Variants in BRINP3 observed in about 807,000 individuals in gnomAD.
BRINP3 encodes BMP/retinoic acid-inducible neural-specific protein 3.
A neutral mutation model predicts 71.0 loss-of-function variants in BRINP3; 19 were observed. The ratio of observed to expected loss-of-function variants is 0.27; its 90% CI spans 0.19 to 0.39. The LOEUF (loss-of-function observed/expected upper bound fraction) is 0.39, where lower values mean the gene tolerates loss of function less well. Ranked by LOEUF, BRINP3 falls within the 10% of genes least tolerant of loss-of-function variation. The pLI, the probability that BRINP3 is intolerant of heterozygous loss-of-function variation, is 1.00. For synonymous variants in BRINP3, 380 were observed against 337.7 expected, an observed-to-expected ratio of 1.13 and a Z score of -1.37; for missense variants, 959 against 940.8, an observed-to-expected ratio of 1.02 and a Z score of -0.25.
intron 2 of BRINP3, among the ~76,000 whole-genome samples, chr1:190,377,845 A>G (rs1670281207): frequency 6.6e-6 from 1 of 152,030 alleles, no homozygotes; most frequent in African/African-American, 2.4e-5. Context: ...TGAAAAGTAC[A>G]AAATATTGCC....
intron 7 of BRINP3, among the ~76,000 whole-genome samples, chr1:190,106,773 C>T (rs1234295117): frequency 1.3e-5 from 2 of 151,700 alleles, no homozygotes; most frequent in African/African-American, 4.8e-5. Flanking sequence ...AAAACCTGGA[C>T]TTATTTTCAT....
At chr1:190,466,918 G>A (rs1413445920) in intron 1 of BRINP3, among the ~76,000 whole-genome samples, 2 of 151,422 alleles carry the variant, frequency 1.3e-5, no homozygotes, top group African/African-American at 2.4e-5. Flanking sequence ...TATTGGAAAT[G>A]TTTCCATTAA....
chr1:190,201,286 A>T (rs1654982828), intron 6 of BRINP3, among the ~76,000 whole-genome samples: 1 of 152,120 alleles, frequency 6.6e-6, no homozygotes, highest in Non-Finnish European at 1.5e-5. Flanking sequence ...AGATTTTGAA[A>T]CTTTGAGCTC....
At chr1:190,117,950 GT>G (rs1653290160) in intron 7 of BRINP3, among the ~76,000 whole-genome samples, 1 of 151,984 alleles carries the variant, frequency 6.6e-6, no homozygotes, top group East Asian at 1.9e-4. Flanking sequence ...TGTATTCCAT[GT>G]GGTATCATTT....
At chr1:190,179,633 CTAAT>C (rs1323936196) in intron 6 of BRINP3, among the ~76,000 whole-genome samples, 4 of 152,068 alleles carry the variant, frequency 2.6e-5, no homozygotes, top group African/African-American at 9.7e-5. Context: ...TTTCAGCAGT[CTAAT>C]TAAAATTCTC....
intron 7 of BRINP3, among the ~76,000 whole-genome samples, chr1:190,145,396 G>A (rs1436812861): frequency 6.6e-6 from 1 of 152,072 alleles, no homozygotes; most frequent in Non-Finnish European, 1.5e-5. Context: ...TTTATTTTGA[G>A]TCTAGAATTC....
At chr1:190,221,434 T>C (rs1196640829) in intron 6 of BRINP3, among the ~76,000 whole-genome samples, 2 of 151,900 alleles carry the variant, frequency 1.3e-5, no homozygotes, top group Non-Finnish European at 2.9e-5. Context: ...TCATGGAAAA[T>C]GAAAAGCAAC....
chr1:190,105,362 G>GC (rs1557970663), intron 7 of BRINP3, among the ~76,000 whole-genome samples: 2 of 151,950 alleles, frequency 1.3e-5, no homozygotes, highest in African/African-American at 4.8e-5. Context: ...ATTTTGGCTT[G>GC]CAAGAAGGCA....
At chr1:190,209,622 G>A (rs141611559) in intron 6 of BRINP3, among the ~76,000 whole-genome samples, 1 of 152,208 alleles carries the variant, frequency 6.6e-6, no homozygotes. Flanking sequence ...AATTTCATTT[G>A]ACGTTCATAA....
intron 6 of BRINP3, among the ~76,000 whole-genome samples, chr1:190,172,175 A>G (rs1652072674): frequency 6.7e-6 from 1 of 148,588 alleles, no homozygotes; most frequent in Admixed American, 6.9e-5. Context: ...GATGAAAAAT[A>G]AAAACAATGT....
chr1:190,474,829 C>G (rs77799653), intron 1 of BRINP3: 1 of 152,202 alleles, frequency 6.6e-6, no homozygotes, highest in Non-Finnish European at 1.5e-5. Flanking sequence ...CACTGTTTGG[C>G]TGTGGAACCA....
intron 7 of BRINP3, among the ~76,000 whole-genome samples, chr1:190,130,166 AC>A (rs1654421626): frequency 6.6e-6 from 1 of 151,978 alleles, no homozygotes; most frequent in Admixed American, 6.6e-5. Context: ...AAGAGAATTG[AC>A]CCAAATCTTT....
intron 2 of BRINP3, among the ~76,000 whole-genome samples, chr1:190,324,309 C>T (rs1666441032): frequency 1.3e-5 from 2 of 151,772 alleles, no homozygotes; most frequent in East Asian, 1.9e-4. Flanking sequence ...AAATTATGTT[C>T]CATCATAATT....
At chr1:190,209,958 T>A (rs1387937805) in intron 6 of BRINP3, among the ~76,000 whole-genome samples, 1 of 152,130 alleles carries the variant, frequency 6.6e-6, no homozygotes, top group Non-Finnish European at 1.5e-5. Flanking sequence ...CTTGGTACTT[T>A]AACTACTTGT....
intron 2 of BRINP3, among the ~76,000 whole-genome samples, chr1:190,449,310 G>C (rs942853107): frequency 5.9e-5 from 9 of 151,624 alleles, no homozygotes; most frequent in African/African-American, 1.9e-4. Context: ...TCTGTTTCTA[G>C]AGATACCACA....
chr1:190,144,691 T>C (rs1428008795), intron 7 of BRINP3, among the ~76,000 whole-genome samples: 8 of 152,164 alleles, frequency 5.3e-5, no homozygotes, highest in Non-Finnish European at 1.2e-4. Context: ...ATCTTACCGA[T>C]GAACATATCT....
intron 7 of BRINP3, among the ~76,000 whole-genome samples, chr1:190,121,155 C>A (rs1483442191): frequency 6.6e-6 from 1 of 152,166 alleles, no homozygotes; most frequent in Non-Finnish European, 1.5e-5. Flanking sequence ...CAACCTCCCA[C>A]TAAATCTAAC....
At chr1:190,169,994 T>C (rs1355966643) in intron 6 of BRINP3, among the ~76,000 whole-genome samples, 2 of 152,144 alleles carry the variant, frequency 1.3e-5, no homozygotes, top group Non-Finnish European at 2.9e-5. Context: ...GACACAGTTA[T>C]TAATTAAAGC....
At chr1:190,298,649 G>A (rs1403727930) in intron 2 of BRINP3, among the ~76,000 whole-genome samples, 1 of 151,978 alleles carries the variant, frequency 6.6e-6, no homozygotes, top group African/African-American at 2.4e-5. Context: ...TGTCATTCTA[G>A]TATTGCTTTC....
Sources: gnomAD v4.1 joint callset for allele counts (sites outside exome capture counted in the v4.1 genomes callset) on GRCh38, gnomAD v4.1.1 for gene constraint, MANE v1.5 for transcripts, NCBI Gene and HGNC (gene_info 2026-07-23, HGNC 2026-07-21) for gene names.